The following THEM4 variants were observed in gnomAD, a reference collection of about 807,000 sequenced individuals.
THEM4 encodes thioesterase superfamily member 4, also known as acyl-coenzyme A thioesterase THEM4.
In THEM4, 22 loss-of-function variants were observed where a neutral mutation model predicts 25.0. The observed-to-expected ratio is 0.88, with a 90% confidence interval of 0.63 to 1.26. The LOEUF (loss-of-function observed/expected upper bound fraction) is 1.26. THEM4 is among the 50% of genes most tolerant of loss of function. The pLI is 0.00. For missense variants in THEM4, 286 were observed against 300.3 expected, an observed-to-expected ratio of 0.95 and a Z score of 0.35; for synonymous variants, 113 against 105.6, an observed-to-expected ratio of 1.07 and a Z score of -0.43.
intron 4 of THEM4, among the ~76,000 whole-genome samples, chr1:151,886,313 C>T (rs1653969441): frequency 6.6e-6 from 1 of 152,168 alleles, no homozygotes; most frequent in African/African-American, 2.4e-5. Flanking sequence ...TAGAGTTTGG[C>T]AGGTTCTGTT....
chr1:151,895,950 G>A (rs1488201689), intron 1 of THEM4, among the ~76,000 whole-genome samples: 1 of 149,556 alleles, frequency 6.7e-6, no homozygotes, highest in Non-Finnish European at 1.5e-5. Context: ...GCCTGCTCCT[G>A]CTTTGCCTTC....
intron 2 of THEM4, among the ~76,000 whole-genome samples, chr1:151,891,727 G>A (rs1392153203): frequency 6.6e-6 from 1 of 152,122 alleles, no homozygotes; most frequent in Non-Finnish European, 1.5e-5. Flanking sequence ...TGTGTGGCTG[G>A]GGCTGGGGGA....
intron 4 of THEM4, among the ~76,000 whole-genome samples, chr1:151,883,486 C>T (rs1163859238): frequency 6.6e-6 from 1 of 152,008 alleles, no homozygotes. Flanking sequence ...GGAAACTGCC[C>T]CCATGATCCA....
chr1:151,905,844 G>C (rs903656009), intron 1 of THEM4, among the ~76,000 whole-genome samples: 1 of 152,246 alleles, frequency 6.6e-6, no homozygotes, highest in Non-Finnish European at 1.5e-5. Flanking sequence ...AGTAGGCCTA[G>C]GCTGCGGCCG....
rs1290454335 is a variant in THEM4, at chr1:151,872,638, AC to A, written c.*2249del. Among the ~76,000 whole-genome samples the A allele has an allele frequency of 6.6e-6, 1 of 152,100 alleles. No homozygotes were observed. The highest frequency in any genetic ancestry group is 1.5e-5 in the Non-Finnish European group (1 of 68,004). The stretch of plus-strand genomic sequence containing the variant: ...CTGTTAATCTGTAACTTTAGCCCCA[AC>A]CCTGTGCTTACAGAAACATGTGCTG... On this transcript the variant is annotated 3_prime_UTR_variant, in exon 6 of 6. Coordinates refer to ENST00000368814, the MANE Select transcript of THEM4 (RefSeq NM_053055.5).
chr1:151,906,134 A>G (rs1379161513), intron 1 of THEM4, among the ~76,000 whole-genome samples: 3 of 152,210 alleles, frequency 2.0e-5, no homozygotes, highest in African/African-American at 4.8e-5. Flanking sequence ...GAAGGTGTGG[A>G]GGGAGAGGCG....
At chr1:151,907,244 G>A (rs1654490572) in intron 1 of THEM4, among the ~76,000 whole-genome samples, 1 of 152,106 alleles carries the variant, frequency 6.6e-6, no homozygotes, top group Non-Finnish European at 1.5e-5. Flanking sequence ...CCACCAGAAG[G>A]AAGAAACTCT....
chr1:151,886,578 C>A lies in THEM4; in HGVS notation c.557+1695G>T, dbSNP rs182995107. ...TTAAGAAAACCCAGATTTCTAGAAT[C>A]TAATTTATAGTTATAACTAATATGA... On this transcript the variant is annotated intron_variant, in intron 4 of 5. Transcript: ENST00000368814. Among the ~76,000 whole-genome samples the A allele has an allele frequency of 2.4e-3, 366 of 152,150 alleles. 2 individuals carry two copies. The highest frequency in any genetic ancestry group is 7.8e-3 in the African/African-American group (322 of 41,530).
chr1:151,875,852 T>C (rs1653660414), intron 5 of THEM4, among the ~76,000 whole-genome samples: 1 of 152,218 alleles, frequency 6.6e-6, no homozygotes, highest in African/African-American at 2.4e-5. Flanking sequence ...GAAAACAATT[T>C]TGCATTCCTC....
chr1:151,883,817 G>A (rs1415791665), intron 4 of THEM4, among the ~76,000 whole-genome samples: 3 of 151,968 alleles, frequency 2.0e-5, no homozygotes, highest in African/African-American at 4.8e-5. Context: ...GCTCACACCT[G>A]TAATCTCAGC....
rs1158720424 is a variant in THEM4 at position 151,874,904 on chromosome 1, G to A, written c.707C>T (p.Ala236Val). Residue 236 changes from alanine to valine, a missense_variant, in exon 6 of 6, where the codon GCT becomes GTT. Physicochemically the swap from Ala to Val is moderately conservative, Grantham distance 64 (BLOSUM62 0). Transcript: ENST00000368814. ...AGCAGCTCTTTATGTCAGACTTTTA[G>A]CAGGATTCAGCTTTATAAATAAGCC... ...ATSLFIKLNP[A>V]KSLT 6.2e-7 allele frequency: 1 copy of A among 1,613,788 alleles called. No homozygotes were observed. The highest frequency in any genetic ancestry group is 8.5e-7 in the Non-Finnish European group (1 of 1,179,742).
chr1:151,894,799 G>A (rs1572079864), intron 2 of THEM4: 1 of 626,960 alleles, frequency 1.6e-6, no homozygotes, highest in Non-Finnish European at 2.8e-6. Flanking sequence ...AGAATGCCAG[G>A]GTGGGAGCAG....
intron 1 of THEM4, among the ~76,000 whole-genome samples, chr1:151,907,177 T>C (rs1186694421): frequency 1.3e-5 from 2 of 151,820 alleles, no homozygotes; most frequent in African/African-American, 2.4e-5. Context: ...CCTTAAGAGC[T>C]ATAACACTCA....
At chr1:151,903,611 G>C (rs986969433) in intron 1 of THEM4, among the ~76,000 whole-genome samples, 1 of 152,088 alleles carries the variant, frequency 6.6e-6, no homozygotes, top group Non-Finnish European at 1.5e-5. Flanking sequence ...ACTTTTAAAG[G>C]ACATGAATCT....
At chr1:151,900,631 T>C (rs1197026279) in intron 1 of THEM4, among the ~76,000 whole-genome samples, 1 of 152,124 alleles carries the variant, frequency 6.6e-6, no homozygotes, top group Non-Finnish European at 1.5e-5. Context: ...AAGGAAAATA[T>C]CACAATCCTA....
chr1:151,876,956 C>A, intron 5 of THEM4, 45 bp downstream of exon 5: 1 of 1,556,088 alleles, frequency 6.4e-7, no homozygotes. Flanking sequence ...AACTCCCAAC[C>A]CAACCCAACT....
chr1:151,872,119 GA>G lies in THEM4; in HGVS notation c.*2768del, dbSNP rs1653566588. Among the ~76,000 whole-genome samples, 1 of 152,044 alleles carries G rather than the reference GA, an allele frequency of 6.6e-6. No homozygotes were observed. The highest frequency in any genetic ancestry group is 1.5e-5 in the Non-Finnish European group (1 of 68,030). On this transcript the variant is annotated 3_prime_UTR_variant, in exon 6 of 6. Transcript: ENST00000368814. ...GCTCTCTCAGAATTTCTGGGAGAAG[GA>G]ACTGCCAGCTTCACCCCTGCAGTGC...
chr1:151,909,351 C>A lies in THEM4; in HGVS notation c.99+9G>T. ...CTCCCGCCCCATGCCCGAGGGTGCCCAGACTCACCAGCTCGGGTCGCGGCT... is the reference window on the plus strand; with the variant it reads ...CTCCCGCCCCATGCCCGAGGGTGCCAAGACTCACCAGCTCGGGTCGCGGCT... On this transcript the variant is annotated intron_variant, in intron 1 of 5. Coordinates refer to ENST00000368814, the MANE Select transcript of THEM4 (RefSeq NM_053055.5). 1 of 1,515,040 alleles carries A rather than the reference C, an allele frequency of 6.6e-7. No homozygotes were observed. The highest frequency in any genetic ancestry group is 1.2e-5 in the South Asian group (1 of 82,588). 93.8% of individuals were successfully genotyped at this position (1,515,040 alleles called of 1,614,324 possible). A position where few individuals can be genotyped will look rare whatever the true frequency, so the allele number is the denominator to read the frequency against.
At chr1:151,909,187 A>G (rs1406722979) in intron 1 of THEM4, among the ~76,000 whole-genome samples, 173 bp downstream of exon 1, 1 of 152,214 alleles carries the variant, frequency 6.6e-6, no homozygotes, top group Non-Finnish European at 1.5e-5. Flanking sequence ...AACGGTTTGA[A>G]TCTCAGGACT....
Sources: allele counts gnomAD v4.1 joint callset (sites outside exome capture counted in the v4.1 genomes callset), GRCh38; gene constraint gnomAD v4.1.1; transcripts MANE v1.5; gene names NCBI Gene and HGNC (gene_info 2026-07-23, HGNC 2026-07-21).